Variants in PLEK observed in about 807,000 individuals in gnomAD.
The protein encoded by PLEK is pleckstrin.
In PLEK, 25 loss-of-function variants were observed where a neutral mutation model predicts 43.9. That is an observed-to-expected ratio of 0.57 (90% CI 0.41 to 0.79). The LOEUF (loss-of-function observed/expected upper bound fraction) is 0.79, where lower values mean the gene tolerates loss of function less well. Among genes scored for constraint, PLEK ranks in the 30% least tolerant of loss-of-function variants. PLEK has a pLI of 0.00. For synonymous variants in PLEK, 152 were observed against 144.4 expected (o/e 1.05, Z -0.38); for missense variants, 396 against 413.3 (o/e 0.96, Z 0.36).
rs1192617862 is a variant in PLEK, at chr2:68,365,494, T to C, written c.42+101T>C. On this transcript the variant is annotated intron_variant, in intron 1 of 8. Coordinates refer to ENST00000234313, the MANE Select transcript of PLEK (RefSeq NM_002664.3). Reference sequence around the variant, plus strand: ...CTGCTCATCTTAGGAATGTTTCCTGTTCAACCAGTTGGGTTGAAATAGGGG... The same window carrying C: ...CTGCTCATCTTAGGAATGTTTCCTGCTCAACCAGTTGGGTTGAAATAGGGG... 3.1e-6 allele frequency: 3 copies of C among 968,516 alleles called. No individual in the cohort carries two copies. The Admixed American group carries it at 5.2e-5, about 17-fold the overall frequency. The allele number at this position is 968,516 out of a possible 1,614,324, so 60.0% of individuals were successfully genotyped here.
intron 2 of PLEK, 30 bp downstream of exon 2, chr2:68,380,513 C>G (rs763889482): frequency 1.2e-6 from 2 of 1,602,774 alleles, no homozygotes; most frequent in South Asian, 1.1e-5. Context: ...TGCCGTGAAC[C>G]CCTGGTCAGG....
At chr2:68,371,918 T>C (rs973742361) in intron 1 of PLEK, among the ~76,000 whole-genome samples, 1 of 152,212 alleles carries the variant, frequency 6.6e-6, no homozygotes, top group Non-Finnish European at 1.5e-5. Flanking sequence ...CTGTATCTTA[T>C]TTAATTTCAA....
intron 4 of PLEK, among the ~76,000 whole-genome samples, chr2:68,383,348 G>T (rs903599584): frequency 2.0e-5 from 3 of 152,096 alleles, no homozygotes; most frequent in Non-Finnish European, 2.9e-5. Flanking sequence ...AATTCCAGGG[G>T]TTCAAAAAAA....
chr2:68,394,797 T>C (rs1461129201), intron 8 of PLEK, among the ~76,000 whole-genome samples: 1 of 152,158 alleles, frequency 6.6e-6, no homozygotes, highest in Non-Finnish European at 1.5e-5. Flanking sequence ...GTGGGTGTAG[T>C]TTGACTTCTC....
chr2:68,393,065 T>G, intron 6 of PLEK, 97 bp from the exon 7 acceptor site: 1 of 811,166 alleles, frequency 1.2e-6, no homozygotes, highest in Non-Finnish European at 2.2e-6. Flanking sequence ...TCTCTTTCTT[T>G]TCTCAATTCA....
At chr2:68,386,097 G>A (rs981500568) in intron 4 of PLEK, among the ~76,000 whole-genome samples, 1 of 150,788 alleles carries the variant, frequency 6.6e-6, no homozygotes, top group Non-Finnish European at 1.5e-5. Context: ...TTTTATTTTT[G>A]TTTTTATTTA....
chr2:68,367,306 A>G (rs1016576932), intron 1 of PLEK, among the ~76,000 whole-genome samples: 2 of 151,654 alleles, frequency 1.3e-5, no homozygotes, highest in Admixed American at 1.3e-4. Context: ...GAGTATAGGT[A>G]CAGGCTTGTT....
chr2:68,373,197 A>T (rs1673442044), intron 1 of PLEK, among the ~76,000 whole-genome samples: 1 of 152,164 alleles, frequency 6.6e-6, no homozygotes, highest in African/African-American at 2.4e-5. Context: ...AGTAGTGGTG[A>T]AGAGGAGAGA....
intron 6 of PLEK, among the ~76,000 whole-genome samples, 155 bp from the exon 7 acceptor site, chr2:68,393,007 C>T (rs914487027): frequency 2.0e-5 from 3 of 152,224 alleles, no homozygotes; most frequent in Non-Finnish European, 4.4e-5. Context: ...ATCTCCCTGA[C>T]AAAGACCTAG....
intron 1 of PLEK, among the ~76,000 whole-genome samples, chr2:68,378,671 T>C (rs1036928995): frequency 1.3e-5 from 2 of 152,244 alleles, no homozygotes; most frequent in Non-Finnish European, 2.9e-5. Context: ...TACTTAATAA[T>C]ACAACCTCTC....
chr2:68,369,224 T>G (rs1673343141), intron 1 of PLEK, among the ~76,000 whole-genome samples: 1 of 152,224 alleles, frequency 6.6e-6, no homozygotes, highest in Non-Finnish European at 1.5e-5. Flanking sequence ...TTATTATCCT[T>G]ACTTAACAGA....
At position 68,393,230 on chromosome 2, in the gene PLEK, C is replaced by T; in HGVS notation, c.831C>T (p.Tyr277=). The T allele has an allele frequency of 6.2e-7, 1 of 1,607,890 alleles. No individual in the cohort carries two copies. The highest frequency in any genetic ancestry group is 8.5e-7 in the Non-Finnish European group (1 of 1,174,292). The part of the protein sequence containing the change: ...ILREDPAYLH[Y]YDPAGAEDPL... ...GAGAAGACCCTGCCTACCTGCACTACTATGACCCTGCTGGGGTAAGGTCCT... is the reference window on the plus strand; with the variant it reads ...GAGAAGACCCTGCCTACCTGCACTATTATGACCCTGCTGGGGTAAGGTCCT... Residue 277 remains tyrosine (Y), a synonymous_variant, in exon 7 of 9, where the codon TAC becomes TAT. Transcript: ENST00000234313.
At chr2:68,391,518 G>C (rs1673858900) in intron 6 of PLEK, among the ~76,000 whole-genome samples, 1 of 152,194 alleles carries the variant, frequency 6.6e-6, no homozygotes, top group South Asian at 2.1e-4. Flanking sequence ...AATATTTTCT[G>C]TCCTTGCATA....
At chr2:68,365,488 T>G in intron 1 of PLEK, 95 bp downstream of exon 1, 9 of 1,009,886 alleles carry the variant, frequency 8.9e-6, no homozygotes, top group Non-Finnish European at 1.4e-5. Context: ...TTAGGAATGT[T>G]TCCTGTTCAA....
At chr2:68,392,373 T>G (rs1251282500) in intron 6 of PLEK, among the ~76,000 whole-genome samples, 1 of 152,200 alleles carries the variant, frequency 6.6e-6, no homozygotes, top group Non-Finnish European at 1.5e-5. Flanking sequence ...GGCTTTCCTT[T>G]AATCTAGCCA....
chr2:68,380,649 A>G (rs1673594501), intron 2 of PLEK, 74 bp from the exon 3 acceptor site: 1 of 1,492,332 alleles, frequency 6.7e-7, no homozygotes, highest in South Asian at 1.2e-5. Flanking sequence ...GTTTAGGCCA[A>G]TGGCCTCTGC....
chr2:68,377,836 A>G (rs1673534349), intron 1 of PLEK, among the ~76,000 whole-genome samples: 1 of 152,144 alleles, frequency 6.6e-6, no homozygotes, highest in Non-Finnish European at 1.5e-5. Flanking sequence ...ATTGCTCAAG[A>G]AATTTTTGGC....
chr2:68,369,424 G>T (rs1673348148), intron 1 of PLEK, among the ~76,000 whole-genome samples: 1 of 151,432 alleles, frequency 6.6e-6, no homozygotes, highest in Non-Finnish European at 1.5e-5. Flanking sequence ...ATGATGAGGG[G>T]TACCCAGGGG....
At chr2:68,375,529 G>A (rs6546390) in intron 1 of PLEK, among the ~76,000 whole-genome samples, 80,175 of 152,072 alleles carry the variant, frequency 0.53, 22,678 homozygotes, top group East Asian at 0.76. Flanking sequence ...TCCAGTGTTC[G>A]TCTGGAATAG....
Sources: gnomAD v4.1 joint callset for allele counts (sites outside exome capture counted in the v4.1 genomes callset) on GRCh38, gnomAD v4.1.1 for gene constraint, MANE v1.5 for transcripts, NCBI Gene and HGNC (gene_info 2026-07-23, HGNC 2026-07-21) for gene names.